NEDD9: variants seen among roughly 807,000 people sequenced by gnomAD.
The protein encoded by NEDD9 is enhancer of filamentation 1.
A neutral mutation model predicts 76.6 loss-of-function variants in NEDD9; 26 were observed. The ratio of observed to expected loss-of-function variants is 0.34; its 90% CI spans 0.25 to 0.47. NEDD9 has a LOEUF of 0.47. Among genes scored for constraint, NEDD9 ranks in the 20% least tolerant of loss-of-function variants. NEDD9 has a pLI of 1.00. For missense variants in NEDD9, 937 were observed against 1,058.5 expected (o/e 0.89, Z 1.59); for synonymous variants, 392 against 414.2 (o/e 0.95, Z 0.65).
chr6:11,376,217 G>A, intron 1 of NEDD9, among the ~76,000 whole-genome samples: 1 of 152,220 alleles, frequency 6.6e-6, no homozygotes, highest in East Asian at 1.9e-4. Context: ...TTGGTACTGA[G>A]AAGTGGAGCA....
intron 2 of NEDD9, among the ~76,000 whole-genome samples, chr6:11,333,958 A>G (rs1218219391): frequency 1.3e-5 from 2 of 152,264 alleles, no homozygotes; most frequent in Non-Finnish European, 2.9e-5. Flanking sequence ...AGCTGTAAAA[A>G]GAAGGGCTTT....
chr6:11,299,143 G>T (rs376322814), intron 3 of NEDD9, among the ~76,000 whole-genome samples: 7 of 152,142 alleles, frequency 4.6e-5, no homozygotes, highest in African/African-American at 1.7e-4. Flanking sequence ...ACCAAATACT[G>T]TGCTTTTCCC....
intron 2 of NEDD9, chr6:11,199,637 C>CTTTTTTTTTTTTTTTTTTTTT (rs59651160): frequency 2.3e-5 from 1 of 43,110 alleles, no homozygotes; most frequent in African/African-American, 8.4e-5. Flanking sequence ...TAGGAAAGAT[C>CTTTTTTTTTTTTTTTTTTTTT]TTTTTTTTTT....
At chr6:11,235,827 G>GC (rs138622564), upstream of NEDD9, among the ~76,000 whole-genome samples, 879 of 152,282 alleles carry the variant, frequency 5.8e-3, 9 homozygotes, top group African/African-American at 0.02. The surrounding 1 kb of genome is among the most constrained non-coding windows in gnomAD (Gnocchi z 4.1). Flanking sequence ...GGTACACAGG[G>GC]CTGGATGGAG....
intron 1 of NEDD9, among the ~76,000 whole-genome samples, chr6:11,371,117 T>C (rs1239900134): frequency 6.6e-6 from 1 of 152,138 alleles, no homozygotes; most frequent in Non-Finnish European, 1.5e-5. Flanking sequence ...AAAAAGACTA[T>C]TTTTTAGAGC....
intron 1 of NEDD9, among the ~76,000 whole-genome samples, chr6:11,356,735 C>A (rs527835504): frequency 1.4e-5 from 2 of 148,028 alleles, no homozygotes; most frequent in African/African-American, 2.5e-5. Context: ...CCACCCCCCC[C>A]ACCCTTTCCC....
In NEDD9 at chr6:11,188,290, C is replaced by T; in HGVS notation, c.1923G>A (p.Glu641=). The change falls in exon 6 of 7, where the codon GAG becomes GAA. Residue 641 remains glutamate (E), a synonymous_variant. Transcript: ENST00000379446. The part of the protein sequence containing the change: ...YVHLQGKEEF[E]RQQKELLEKE... ...TTTCCAATAGCTCTTTCTGTTGCCTCTCAAACTCCTCCTTACCCTGTTAAT... is the reference window on the plus strand; with the variant it reads ...TTTCCAATAGCTCTTTCTGTTGCCTTTCAAACTCCTCCTTACCCTGTTAAT... 3.1e-6 allele frequency: 5 copies of T among 1,613,758 alleles called. No homozygotes were observed. The highest frequency in any genetic ancestry group is 4.2e-6 in the Non-Finnish European group (5 of 1,179,672).
At chr6:11,376,415 G>A (rs572869948) in intron 1 of NEDD9, among the ~76,000 whole-genome samples, 6 of 152,330 alleles carry the variant, frequency 3.9e-5, no homozygotes, top group Admixed American at 3.3e-4. Flanking sequence ...GGCTGATGAG[G>A]TCTCAGATGG....
rs144513466 is a variant in NEDD9, at chr6:11,304,096, T to G, written c.12+1896A>C. 1.1e-3 allele frequency among the ~76,000 whole-genome samples: 174 copies of G among 152,246 alleles called. 5 individuals are homozygous for G. In the East Asian group the frequency reaches 0.029, roughly 26 times the overall value. On this transcript the variant is annotated intron_variant, in intron 3 of 3. Transcript: ENST00000397378. ...CTAATATTCAGAATCTACAAAGAAC[T>G]TAAACAAATTTACAAGAAATAAACA...
At chr6:11,203,044 T>C (rs1758499722) in intron 2 of NEDD9, among the ~76,000 whole-genome samples, 1 of 152,210 alleles carries the variant, frequency 6.6e-6, no homozygotes, top group African/African-American at 2.4e-5. Context: ...CCTGCTGCTT[T>C]CAGGAAGCTC....
chr6:11,317,036 T>A (rs1761587306), intron 2 of NEDD9, among the ~76,000 whole-genome samples: 1 of 152,160 alleles, frequency 6.6e-6, no homozygotes, highest in Non-Finnish European at 1.5e-5. Flanking sequence ...AAGTCTGAGA[T>A]TCAGAGAGAG....
chr6:11,208,658 C>G (rs900946400), intron 2 of NEDD9, among the ~76,000 whole-genome samples: 1 of 152,164 alleles, frequency 6.6e-6, no homozygotes, highest in African/African-American at 2.4e-5. Context: ...GCTGATGGAG[C>G]TTGTAATTTA....
intron 2 of NEDD9, among the ~76,000 whole-genome samples, chr6:11,205,468 T>C (rs1758580495): frequency 6.6e-6 from 1 of 152,254 alleles, no homozygotes; most frequent in Admixed American, 6.5e-5. Flanking sequence ...AAGTGTGCCA[T>C]GCTTTAAGAA....
At chr6:11,253,145 C>T (rs1348246174) in intron 3 of NEDD9, among the ~76,000 whole-genome samples, 1 of 152,102 alleles carries the variant, frequency 6.6e-6, no homozygotes, top group Non-Finnish European at 1.5e-5. Flanking sequence ...CAAAAGAAAA[C>T]GCTTGGATTT....
chr6:11,191,329 C>T, intron 4 of NEDD9, 124 bp from the exon 5 acceptor site: 2 of 994,996 alleles, frequency 2.0e-6, no homozygotes, highest in Non-Finnish European at 1.4e-6. Context: ...CAATGTTAGG[C>T]ACTTCCAAGG....
chr6:11,282,526 C>T (rs1034677600), intron 3 of NEDD9, among the ~76,000 whole-genome samples: 2 of 152,236 alleles, frequency 1.3e-5, no homozygotes, highest in African/African-American at 4.8e-5. Context: ...ATAGACAATG[C>T]CAACTTCACA....
intron 3 of NEDD9, among the ~76,000 whole-genome samples, chr6:11,240,561 T>G (rs1158244421): frequency 1.3e-5 from 2 of 152,232 alleles, no homozygotes; most frequent in African/African-American, 4.8e-5. Flanking sequence ...CTATGGCTAA[T>G]ATCTTAACTT....
At chr6:11,242,092 G>A (rs893400764) in intron 3 of NEDD9, among the ~76,000 whole-genome samples, 1 of 152,180 alleles carries the variant, frequency 6.6e-6, no homozygotes, top group African/African-American at 2.4e-5. Flanking sequence ...CCGAGGACTG[G>A]GTGGTGATAA....
chr6:11,232,318 A>C (rs989430072), intron 1 of NEDD9, among the ~76,000 whole-genome samples, 186 bp downstream of exon 1: 3 of 151,972 alleles, frequency 2.0e-5, no homozygotes, highest in Admixed American at 2.0e-4. Flanking sequence ...GAACCCCTGG[A>C]GTGGGTCTCA....
Sources: allele counts gnomAD v4.1 joint callset (sites outside exome capture counted in the v4.1 genomes callset), GRCh38; gene constraint gnomAD v4.1.1; non-coding constraint Gnocchi (gnomAD v3.1); transcripts MANE v1.5; gene names NCBI Gene and HGNC (gene_info 2026-07-23, HGNC 2026-07-21).